The following LRIG3 variants were observed in gnomAD, a reference collection of about 807,000 sequenced individuals.
LRIG3 encodes leucine rich repeats and immunoglobulin like domains 3.
Under a neutral mutation model 114.5 loss-of-function variants are expected in LRIG3, and 76 were observed. The observed-to-expected ratio is 0.66, with a 90% confidence interval of 0.55 to 0.80. The LOEUF is 0.80. Ranked by LOEUF, LRIG3 falls within the 30% of genes least tolerant of loss-of-function variation. The pLI is 0.00. For missense variants in LRIG3, 1,239 were observed against 1,382.8 expected (o/e 0.90, Z 1.65); for synonymous variants, 512 against 519.8 (o/e 0.98, Z 0.20).
Position 58,874,445 on chromosome 12 carries a change from C to T in LRIG3, c.2824G>A (p.Glu942Lys), listed in dbSNP as rs1428911784. 1 of 1,614,174 alleles carries T rather than the reference C, an allele frequency of 6.2e-7. No homozygotes were observed. The highest frequency in any genetic ancestry group is 1.1e-5 in the South Asian group (1 of 91,080). The change falls in exon 17 of 19, where the codon GAA becomes AAA. Residue 942 changes from glutamate to lysine, a missense_variant. By Grantham distance (56) the Glu-to-Lys change is moderately conservative. Transcript: ENST00000320743. Reference sequence around the variant, plus strand: ...AACCACCTACCTGTATGATATGTTTCAAAAGGATCTGAGCCATACACATTT... The same window carrying T: ...AACCACCTACCTGTATGATATGTTTTAAAAGGATCTGAGCCATACACATTT... ...KGNVYGSDPFETYHTGCSPDP... is the reference protein window; with the variant it reads ...KGNVYGSDPFKTYHTGCSPDP...
At chr12:58,888,743 A>C in intron 6 of LRIG3, 76 bp downstream of exon 6, 4 of 1,529,872 alleles carry the variant, frequency 2.6e-6, no homozygotes, top group Non-Finnish European at 3.5e-6. Context: ...AGGATTTCAC[A>C]TAAGACCTGC....
intron 16 of LRIG3, among the ~76,000 whole-genome samples, chr12:58,875,584 CTTCAT>C (rs1870888904): frequency 6.6e-6 from 1 of 152,186 alleles, no homozygotes; most frequent in African/African-American, 2.4e-5. Context: ...AGTTTTCCAT[CTTCAT>C]TTCATTTGCA....
chr12:58,890,858 A>C, intron 3 of LRIG3, 62 bp from the exon 4 acceptor site: 2 of 1,504,052 alleles, frequency 1.3e-6, no homozygotes, highest in Non-Finnish European at 1.8e-6. Flanking sequence ...AAGAAGAAAA[A>C]TATTTTCTAT....
At position 58,880,894 on chromosome 12, in the gene LRIG3, A is replaced by G. The variant is rs754818016; in HGVS notation, c.1488T>C (p.Phe496=). 3.7e-6 allele frequency: 6 copies of G among 1,610,294 alleles called. No individual in the cohort carries two copies. Among genetic ancestry groups the G allele is most frequent in the Non-Finnish European group, 5.1e-6 (6 of 1,176,914 alleles). The part of the protein sequence containing the change: ...VSPDGFVCDD[F]PKPQITVQPE... ...GCTGAACCGTGATCTGGGGTTTGGG[A>G]AAATCATCTGTTAAAAATGGAGAGG... The change falls in exon 13 of 19, where the codon TTT becomes TTC. Residue 496 remains phenylalanine, a synonymous_variant. Coordinates refer to ENST00000320743, the MANE Select transcript of LRIG3 (RefSeq NM_153377.5).
At position 58,890,130 on chromosome 12, in the gene LRIG3, G is replaced by A. The variant is rs1871405830; in HGVS notation, c.525C>T (p.Asn175=). ...PALQLKYLYL[N]SNRVTSMEPG... ...GTTCCATTGATGTGACTCGGTTGCT[G>A]TTGAGATACCTGTTGAAAGTTTAAA... Residue 175 remains asparagine, a synonymous_variant, in exon 5 of 19, where the codon AAC becomes AAT. Transcript: ENST00000320743. 6.2e-7 allele frequency: 1 copy of A among 1,613,142 alleles called. No individual in the cohort carries two copies.
In LRIG3 at chr12:58,914,339, A is replaced by G. The variant is rs1872399070; in HGVS notation, c.237-3T>C. ...ATAATCTGTTGTGACTTAAGTCCCTATAAGAAAACAAAAATAAAATTATAA... is the reference window on the plus strand; with the variant it reads ...ATAATCTGTTGTGACTTAAGTCCCTGTAAGAAAACAAAAATAAAATTATAA... On this transcript the variant is annotated splice_polypyrimidine_tract_variant and splice_region_variant and intron_variant, in intron 1 of 18. Transcript: ENST00000320743. 1 of 1,609,954 alleles carries G rather than the reference A, an allele frequency of 6.2e-7. No homozygotes were observed. The highest frequency in any genetic ancestry group is 8.5e-7 in the Non-Finnish European group (1 of 1,176,910).
At chr12:58,911,609 TTTAA>T (rs1257775171) in intron 3 of LRIG3, among the ~76,000 whole-genome samples, 1 of 152,224 alleles carries the variant, frequency 6.6e-6, no homozygotes, top group Non-Finnish European at 1.5e-5. Flanking sequence ...AGATATGAGA[TTTAA>T]TTGTGACGCT....
intron 3 of LRIG3, among the ~76,000 whole-genome samples, chr12:58,907,052 T>G (rs1872093426): frequency 6.6e-6 from 1 of 151,684 alleles, no homozygotes; most frequent in South Asian, 2.1e-4. Flanking sequence ...CTCACACAAG[T>G]TTCCTTCCTT....
At chr12:58,891,295 C>T (rs775528819) in intron 3 of LRIG3, among the ~76,000 whole-genome samples, 7 of 151,742 alleles carry the variant, frequency 4.6e-5, no homozygotes, top group South Asian at 2.1e-4. Flanking sequence ...TTTATACAGT[C>T]GGGGGGTCTC....
At chr12:58,889,342 T>G (rs1349601448) in intron 5 of LRIG3, among the ~76,000 whole-genome samples, 1 of 152,230 alleles carries the variant, frequency 6.6e-6, no homozygotes, top group Non-Finnish European at 1.5e-5. Context: ...CTGTACAATC[T>G]GTTTACAAGT....
rs370612636 is a variant in LRIG3, at chr12:58,877,553, T to C, written c.2383A>G (p.Met795Val). Residue 795 changes from methionine (M) to valine (V), a missense_variant, in exon 15 of 19, where the codon ATG (methionine) becomes GTG (valine). Physicochemically the swap from Met to Val is conservative, Grantham distance 21. Transcript: ENST00000320743. Reference protein sequence around the residue: ...IPTPTCDSPQMTAPSLDDDGW... With the variant: ...IPTPTCDSPQVTAPSLDDDGW... Reference sequence around the variant, plus strand: ...TCATCGTCTAACGATGGGGCTGTCATCTGAGGGGAGTCGCAGGTTGGAGTG... The same window carrying C: ...TCATCGTCTAACGATGGGGCTGTCACCTGAGGGGAGTCGCAGGTTGGAGTG... 26 of 1,614,090 alleles carry C rather than the reference T, an allele frequency of 1.6e-5. No homozygotes were observed. Among genetic ancestry groups the C allele is most frequent in the Non-Finnish European group, 2.1e-5 (25 of 1,180,046 alleles).
intron 3 of LRIG3, among the ~76,000 whole-genome samples, chr12:58,897,215 T>C (rs948280711): frequency 5.3e-5 from 8 of 152,184 alleles, no homozygotes; most frequent in African/African-American, 1.9e-4. Context: ...CTGAGGAAAC[T>C]TGTGTAAGGA....
Position 58,887,876 on chromosome 12 carries a change from C to A in LRIG3, c.1004G>T (p.Ser335Ile). The change falls in exon 8 of 19, where the codon AGC becomes ATC. Residue 335 changes from serine to isoleucine, a missense_variant. Coordinates refer to ENST00000320743, the MANE Select transcript of LRIG3 (RefSeq NM_153377.5). ...RLDDSSFLGL[S>I]LLNTLHIGNN... ...CCCAATGTGCAGTGTATTTAGTAAG[C>A]TTAGGCCAAGGAAGCTTGAATCATC... 6.2e-7 allele frequency: 1 copy of A among 1,613,846 alleles called. No homozygotes were observed.
chr12:58,914,170 A>G (rs923149260), intron 2 of LRIG3, 95 bp downstream of exon 2: 1 of 1,501,302 alleles, frequency 6.7e-7, no homozygotes, highest in Admixed American at 1.9e-5. Context: ...AAAGTTTTGA[A>G]TAACTCACTA....
chr12:58,879,153 G>C, intron 13 of LRIG3, 48 bp from the exon 14 acceptor site: 1 of 1,524,194 alleles, frequency 6.6e-7, no homozygotes, highest in South Asian at 1.3e-5. Flanking sequence ...GAGTCTTACA[G>C]GTTCACTTGC....
Position 58,920,305 on chromosome 12 carries a change from T to A in LRIG3, c.-70A>T, listed in dbSNP as rs1421885747. ...GCGCGCTCGGGGCCCGGCACAAACT[T>A]CCAGCCGAGGGTGCACGCCCGCCCT... On this transcript the variant is annotated 5_prime_UTR_variant, in exon 1 of 19. Coordinates refer to ENST00000320743, the MANE Select transcript of LRIG3 (RefSeq NM_153377.5). The A allele has an allele frequency of 9.2e-6, 11 of 1,201,492 alleles. No homozygotes were observed. Among genetic ancestry groups the A allele is most frequent in the Non-Finnish European group, 1.2e-5 (11 of 937,550 alleles). The allele number at this position is 1,201,492 out of a possible 1,614,324, so 74.4% of individuals were successfully genotyped here.
Position 58,880,872 on chromosome 12 carries a change from G to C in LRIG3, c.1510C>G (p.Gln504Glu). The C allele has an allele frequency of 6.2e-7, 1 of 1,613,554 alleles. No homozygotes were observed. Among genetic ancestry groups the C allele is most frequent in the Non-Finnish European group, 8.5e-7 (1 of 1,179,448 alleles). Residue 504 changes from glutamine (Q) to glutamate (E), a missense_variant, in exon 13 of 19, where the codon CAG becomes GAG. Transcript: ENST00000320743. ...DDFPKPQITV[Q>E]PETQSAIKGS... ...TTTATTGCCGACTGTGTTTCTGGCT[G>C]AACCGTGATCTGGGGTTTGGGAAAA...
intron 3 of LRIG3, among the ~76,000 whole-genome samples, chr12:58,912,182 A>G (rs575583706): frequency 4.9e-4 from 74 of 152,312 alleles, no homozygotes; most frequent in Non-Finnish European, 6.8e-4. Flanking sequence ...CTTTCTAATT[A>G]TAAGTTATAA....
Position 58,887,892 on chromosome 12 carries a change from T to C in LRIG3, c.988A>G (p.Ser330Gly), listed in dbSNP as rs1456134151. 6.2e-7 allele frequency: 1 copy of C among 1,613,904 alleles called. No individual in the cohort carries two copies. The highest frequency in any genetic ancestry group is 1.1e-5 in the South Asian group (1 of 91,066). The part of the protein sequence containing the change: ...FNHLSRLDDS[S>G]FLGLSLLNTL... ...TTTAGTAAGCTTAGGCCAAGGAAGC[T>C]TGAATCATCTAACCTTGATAAGTGA... is the stretch of plus-strand genomic sequence containing the variant. Residue 330 changes from serine (S) to glycine (G), a missense_variant, in exon 8 of 19, where the codon AGC becomes GGC. Transcript: ENST00000320743.
Sources: allele counts gnomAD v4.1 joint callset (sites outside exome capture counted in the v4.1 genomes callset), GRCh38; gene constraint gnomAD v4.1.1; transcripts MANE v1.5; gene names NCBI Gene and HGNC (gene_info 2026-07-23, HGNC 2026-07-21).